Variants in TPGS1 observed in about 807,000 individuals in gnomAD.
TPGS1 encodes tubulin polyglutamylase complex subunit 1, also known as gene trap ROSA b-geo 22.
A neutral mutation model predicts 11.9 loss-of-function variants in TPGS1; 18 were observed. That is an observed-to-expected ratio of 1.51 (90% CI 1.04 to 2.24). TPGS1 has a LOEUF of 2.24. Ranked by LOEUF, TPGS1 falls within the 30% of genes most tolerant of loss-of-function variation. The pLI is 0.00. For missense variants in TPGS1, 500 were observed against 443.0 expected (o/e 1.13, Z -1.16); for synonymous variants, 247 against 218.2 (o/e 1.13, Z -1.16).
Position 515,398 on chromosome 19 carries a change from C to T in TPGS1, c.339-3491C>T, listed in dbSNP as rs1978920036. Among the ~76,000 whole-genome samples the T allele has an allele frequency of 4.5e-5, 6 of 133,866 alleles. No homozygotes were observed. The South Asian group carries it at 1.4e-3, about 31-fold the overall frequency. The allele number at this position is 133,866 out of a possible 152,430, so 87.8% of individuals were successfully genotyped here. A position where few individuals can be genotyped will look rare whatever the true frequency, so the allele number is the denominator to read the frequency against. ...CCTGCACAACACAGTGAGACCCTGT[C>T]TCAAAAAAAAAAAAAAAAGAAAAAA... On this transcript the variant is annotated intron_variant, in intron 1 of 1. Coordinates refer to ENST00000359315, the MANE Select transcript of TPGS1 (RefSeq NM_033513.3).
chr19:519,434 C>G lies in TPGS1; in HGVS notation c.*11C>G. The G allele has an allele frequency of 8.3e-7, 1 of 1,205,940 alleles. No homozygotes were observed. 74.7% of individuals were successfully genotyped at this position (1,205,940 alleles called of 1,614,324 possible). A position where few individuals can be genotyped will look rare whatever the true frequency, so the allele number is the denominator to read the frequency against. Reference sequence around the variant, plus strand: ...AAGCCGGTGGGCTGAGGCCCGTGGGCCGCGCGGATCCGGGATCTGCGCTGG... The same window carrying G: ...AAGCCGGTGGGCTGAGGCCCGTGGGGCGCGCGGATCCGGGATCTGCGCTGG... On this transcript the variant is annotated 3_prime_UTR_variant, in exon 2 of 2. Transcript: ENST00000359315.
intron 1 of TPGS1, among the ~76,000 whole-genome samples, chr19:512,587 C>T (rs1453302768): frequency 1.3e-5 from 2 of 152,270 alleles, no homozygotes; most frequent in African/African-American, 2.4e-5. Context: ...CGCCCCCTCG[C>T]ACGTTTCAGG....
intron 1 of TPGS1, among the ~76,000 whole-genome samples, chr19:513,305 G>A (rs1469646231): frequency 3.3e-5 from 5 of 152,206 alleles, no homozygotes; most frequent in Non-Finnish European, 7.3e-5. Context: ...CGGATTATAA[G>A]GGCCAACAAA....
In TPGS1 at chr19:519,494, CT is replaced by C; in HGVS notation, c.*73del. 1 of 1,154,530 alleles carries C rather than the reference CT, an allele frequency of 8.7e-7. No individual in the cohort carries two copies. Among genetic ancestry groups the C allele is most frequent in the Non-Finnish European group, 1.1e-6 (1 of 934,710 alleles). 71.5% of individuals were successfully genotyped at this position (1,154,530 alleles called of 1,614,324 possible). On this transcript the variant is annotated 3_prime_UTR_variant, in exon 2 of 2. Transcript: ENST00000359315. ...GCGTGCGGGGCGCGCGGAGCCTTCC[CT>C]TCGCCCTGGTGAGGCCCTGCCATAA...
chr19:517,312 G>A (rs1358241107), intron 1 of TPGS1, among the ~76,000 whole-genome samples: 1 of 133,960 alleles, frequency 7.5e-6, no homozygotes, highest in Non-Finnish European at 1.6e-5. Context: ...AGGCCCTGAG[G>A]CCGGTCCAGT....
chr19:516,867 C>G (rs1978970192), intron 1 of TPGS1, among the ~76,000 whole-genome samples: 1 of 152,198 alleles, frequency 6.6e-6, no homozygotes, highest in African/African-American at 2.4e-5. Flanking sequence ...TTAACATTCT[C>G]TTTTAACTTG....
At chr19:507,918 T>G (rs1978673348) in intron 1 of TPGS1, 74 bp downstream of exon 1, 142 of 1,116,180 alleles carry the variant, frequency 1.3e-4, no homozygotes, top group Non-Finnish European at 1.3e-4. Flanking sequence ...CGCGGCTCCC[T>G]ACCCGCAGCG....
At chr19:511,970 G>C (rs1405202211) in intron 1 of TPGS1, among the ~76,000 whole-genome samples, 2 of 151,996 alleles carry the variant, frequency 1.3e-5, no homozygotes, top group Admixed American at 6.6e-5. Context: ...CTCCTGGGTT[G>C]ACGCCATTCT....
At chr19:507,934 G>T (rs911952650) in intron 1 of TPGS1, 90 bp downstream of exon 1, 2 of 1,060,210 alleles carry the variant, frequency 1.9e-6, no homozygotes, top group Non-Finnish European at 2.4e-6. Flanking sequence ...CAGCGCCGGC[G>T]CAGGGGCCCG....
At position 518,914 on chromosome 19, in the gene TPGS1, G is replaced by A; in HGVS notation, c.364G>A (p.Val122Met). ...GGCCGCCTTCAACAACAACGTGAGCGTGGCCTACGAGTGCCTGAGCGCCGG... is the reference window on the plus strand; with the variant it reads ...GGCCGCCTTCAACAACAACGTGAGCATGGCCTACGAGTGCCTGAGCGCCGG... ...QRAAFNNNVS[V>M]AYECLSAGGR... Residue 122 changes from valine to methionine, a missense_variant, in exon 2 of 2, where the codon GTG becomes ATG. Coordinates refer to ENST00000359315, the MANE Select transcript of TPGS1 (RefSeq NM_033513.3). The A allele has an allele frequency of 6.4e-7, 1 of 1,562,764 alleles. No homozygotes were observed. The highest frequency in any genetic ancestry group is 2.3e-5 in the East Asian group (1 of 43,292).
In TPGS1 at chr19:519,267, C is replaced by A; in HGVS notation, c.717C>A (p.Arg239=). 1 of 1,200,174 alleles carries A rather than the reference C, an allele frequency of 8.3e-7. No individual in the cohort carries two copies. The highest frequency in any genetic ancestry group is 3.6e-5 in the East Asian group (1 of 27,664). The allele number at this position is 1,200,174 out of a possible 1,614,324, so 74.3% of individuals were successfully genotyped here. ...CCAGCGACGCCGCCGCGCCCGCGCG[C>A]TTCCTGGAGGCCGGCTCGCGCTTGG... ...LQASDAAAPA[R]FLEAGSRLGP... The change falls in exon 2 of 2, where the codon CGC becomes CGA. Residue 239 remains arginine (R), a synonymous_variant. Coordinates refer to ENST00000359315, the MANE Select transcript of TPGS1 (RefSeq NM_033513.3).
chr19:511,845 C>A (rs185576920), intron 1 of TPGS1, among the ~76,000 whole-genome samples: 308 of 152,234 alleles, frequency 2.0e-3, no homozygotes, highest in African/African-American at 7.2e-3. Flanking sequence ...ACTCTTCTCG[C>A]TTACTCTGCA....
In TPGS1 at chr19:507,770, G is replaced by C. The variant is rs772356222; in HGVS notation, c.264G>C (p.Pro88=). ...TAAACGGCGGCGCCGGGGAGCCCCC[G>C]GGCCAGCTCCTGCTGCAGCAGCAGC... The part of the protein sequence containing the change: ...SPVNGGAGEP[P]GQLLLQQQRL... Residue 88 remains proline, a synonymous_variant, in exon 1 of 2, where the codon CCG becomes CCC. Coordinates refer to ENST00000359315, the MANE Select transcript of TPGS1 (RefSeq NM_033513.3). 2.9e-6 allele frequency: 4 copies of C among 1,391,976 alleles called. No individual in the cohort carries two copies. In the Admixed American group the frequency reaches 1.4e-4, roughly 48 times the overall value. The allele number at this position is 1,391,976 out of a possible 1,614,324, so 86.2% of individuals were successfully genotyped here.
Position 507,743 on chromosome 19 carries a change from T to C in TPGS1, c.237T>C (p.Pro79=). The change falls in exon 1 of 2, where the codon CCT becomes CCC. Residue 79 remains proline (P), a synonymous_variant. Coordinates refer to ENST00000359315, the MANE Select transcript of TPGS1 (RefSeq NM_033513.3). The part of the protein sequence containing the change: ...HYFENMGLRS[P]VNGGAGEPPG... Reference sequence around the variant, plus strand: ...TCGAGAACATGGGCCTGCGCTCGCCTGTAAACGGCGGCGCCGGGGAGCCCC... The same window carrying C: ...TCGAGAACATGGGCCTGCGCTCGCCCGTAAACGGCGGCGCCGGGGAGCCCC... 1 of 1,397,976 alleles carries C rather than the reference T, an allele frequency of 7.2e-7. No homozygotes were observed. The highest frequency in any genetic ancestry group is 9.3e-7 in the Non-Finnish European group (1 of 1,074,950). The allele number at this position is 1,397,976 out of a possible 1,614,324, so 86.6% of individuals were successfully genotyped here.
chr19:515,804 G>A (rs1438119519), intron 1 of TPGS1, among the ~76,000 whole-genome samples: 3 of 151,994 alleles, frequency 2.0e-5, no homozygotes, highest in Admixed American at 6.6e-5. Context: ...AGGCCGAGGC[G>A]GGTGGATCAC....
intron 1 of TPGS1, among the ~76,000 whole-genome samples, chr19:511,134 G>A (rs1384322961): frequency 5.3e-5 from 8 of 152,222 alleles, no homozygotes; most frequent in East Asian, 1.9e-4. Context: ...CTGGGCTCCC[G>A]CTTTCCATTT....
At position 516,298 on chromosome 19, in the gene TPGS1, C is replaced by T. The variant is rs184786002; in HGVS notation, c.339-2591C>T. Among the ~76,000 whole-genome samples the T allele has an allele frequency of 9.2e-5, 14 of 152,128 alleles. No homozygotes were observed. In the East Asian group the frequency reaches 2.3e-3, roughly 25 times the overall value. ...AAGGGCTTTTCCTATTTTTAAACATCGTAAGGCGGGAACTACGTGAGGCGG... is the reference window on the plus strand; with the variant it reads ...AAGGGCTTTTCCTATTTTTAAACATTGTAAGGCGGGAACTACGTGAGGCGG... On this transcript the variant is annotated intron_variant, in intron 1 of 1. Transcript: ENST00000359315.
Position 510,675 on chromosome 19 carries a change from G to A in TPGS1, c.338+2831G>A, listed in dbSNP as rs76963284. ...ACTTGCTGAAGGCCACACGGCCACCGAGGGCAGAGCTGGGGTCAGAGAGCC... is the reference window on the plus strand; with the variant it reads ...ACTTGCTGAAGGCCACACGGCCACCAAGGGCAGAGCTGGGGTCAGAGAGCC... On this transcript the variant is annotated intron_variant, in intron 1 of 1. Coordinates refer to ENST00000359315, the MANE Select transcript of TPGS1 (RefSeq NM_033513.3). Among the ~76,000 whole-genome samples the A allele has an allele frequency of 7.1e-3, 1,079 of 152,320 alleles. 27 individuals are homozygous for A. The East Asian group carries it at 0.083, about 12-fold the overall frequency.
chr19:516,771 GAACTCGCTGGGCCTGTAATA>G (rs1390964113), intron 1 of TPGS1, among the ~76,000 whole-genome samples: 2 of 152,174 alleles, frequency 1.3e-5, no homozygotes, highest in African/African-American at 4.8e-5. Context: ...AGGTAAGCAG[GAACTCGCTGGGCCTGTAATA>G]AACTGAGGAA....
Sources: gnomAD v4.1 joint callset for allele counts (sites outside exome capture counted in the v4.1 genomes callset) on GRCh38, gnomAD v4.1.1 for gene constraint, MANE v1.5 for transcripts, NCBI Gene and HGNC (gene_info 2026-07-23, HGNC 2026-07-21) for gene names.